ZFP42: variants seen among roughly 807,000 people sequenced by gnomAD.
The protein encoded by ZFP42 is ZFP42 zinc finger protein.
For missense variants in ZFP42, 438 were observed against 377.1 expected (o/e 1.16, Z -1.34); for synonymous variants, 175 against 144.6 (o/e 1.21, Z -1.51).
intron 1 of ZFP42, among the ~76,000 whole-genome samples, chr4:187,997,007 G>A (rs72642036): frequency 0.14 from 2,457 of 18,012 alleles, 41 homozygotes; most frequent in African/African-American, 0.36. Flanking sequence ...AGCATGGAGC[G>A]TGGAGCGTGG....
At chr4:187,997,007 GTGGAGCGTGGAGCATGGAGCA>G (rs1245628148) in intron 1 of ZFP42, among the ~76,000 whole-genome samples, 37 of 18,034 alleles carry the variant, frequency 2.1e-3, no homozygotes, top group South Asian at 5.7e-3. Context: ...AGCATGGAGC[GTGGAGCGTGGAGCATGGAGCA>G]TGGAGCGTGG....
Position 188,003,534 on chromosome 4 carries a change from A to T in ZFP42, c.727A>T (p.Lys243Ter). Residue 243 changes from lysine to a stop codon, truncating the protein, a stop_gained, in exon 4 of 4, where the codon AAG (lysine) becomes TAG (stop). Coordinates refer to ENST00000326866, the MANE Select transcript of ZFP42 (RefSeq NM_174900.5). LOFTEE classifies it low-confidence loss of function (END_TRUNC). ...ACATTTCCTGGTTCATACTGGAGAG[A>T]AGCCGTTTCGGTGCACTTTTGAAGG... Reference protein sequence around the residue: ...KRHFLVHTGEKPFRCTFEGCG... With the variant: ...KRHFLVHTGE The T allele has an allele frequency of 6.2e-7, 1 of 1,613,742 alleles. No individual in the cohort carries two copies.
intron 3 of ZFP42, among the ~76,000 whole-genome samples, chr4:188,000,448 G>T (rs1270733198): frequency 4.0e-5 from 6 of 151,644 alleles, no homozygotes; most frequent in Admixed American, 3.9e-4. Flanking sequence ...GGAGTGCAGT[G>T]GCACAATCTT....
At chr4:187,998,398 T>G (rs1308886252) in intron 1 of ZFP42, among the ~76,000 whole-genome samples, 2 of 152,188 alleles carry the variant, frequency 1.3e-5, no homozygotes, top group Non-Finnish European at 2.9e-5. Flanking sequence ...GTTAATTTAT[T>G]ATTCAGGAAA....
rs772807479 is a variant in ZFP42 at position 187,999,229 on chromosome 4, C to CA, written c.-216dup. 2.6e-5 allele frequency: 4 copies of CA among 152,226 alleles called. No homozygotes were observed. Among genetic ancestry groups the CA allele is most frequent in the South Asian group, 4.1e-4 (2 of 4,824 alleles). 9.4% of individuals were successfully genotyped at this position (152,226 alleles called of 1,614,324 possible). On this transcript the variant is annotated 5_prime_UTR_variant, in exon 2 of 4. Coordinates refer to ENST00000326866, the MANE Select transcript of ZFP42 (RefSeq NM_174900.5). The stretch of plus-strand genomic sequence containing the variant: ...GCACACTAGGCAAACCCACCCCACT[C>CA]ACGGCCTCCCTTGGGAATTCAGACC...
intron 1 of ZFP42, among the ~76,000 whole-genome samples, chr4:187,998,434 A>T (rs953750470): frequency 6.6e-6 from 1 of 152,188 alleles, no homozygotes; most frequent in Non-Finnish European, 1.5e-5. Flanking sequence ...AAGTTCTAAA[A>T]TTTGCCTAAG....
chr4:188,002,158 C>G (rs1733849837), intron 3 of ZFP42, among the ~76,000 whole-genome samples: 1 of 152,136 alleles, frequency 6.6e-6, no homozygotes, highest in African/African-American at 2.4e-5. Context: ...GCCTGGGCGA[C>G]AGAGTGAGAC....
At chr4:187,997,803 T>A (rs1284592436) in intron 1 of ZFP42, among the ~76,000 whole-genome samples, 1 of 152,152 alleles carries the variant, frequency 6.6e-6, no homozygotes, top group Non-Finnish European at 1.5e-5. Flanking sequence ...CATAAGATTA[T>A]AAAAGAGCTG....
chr4:188,001,906 T>C (rs1162973725), intron 3 of ZFP42, among the ~76,000 whole-genome samples: 1 of 152,198 alleles, frequency 6.6e-6, no homozygotes, highest in African/African-American at 2.4e-5. Flanking sequence ...GGGCCAGGCA[T>C]GGTGGCTCAC....
intron 3 of ZFP42, among the ~76,000 whole-genome samples, chr4:188,001,042 CAT>C (rs1253626667): frequency 1.3e-5 from 2 of 152,108 alleles, no homozygotes; most frequent in African/African-American, 4.8e-5. Context: ...TAGCATATAA[CAT>C]ATATGTATTA....
intron 3 of ZFP42, 123 bp from the exon 4 acceptor site, chr4:188,002,590 G>T (rs531654602): frequency 5.3e-5 from 30 of 562,882 alleles, no homozygotes; most frequent in African/African-American, 4.5e-4. Flanking sequence ...GCTCATTCTT[G>T]GTCTCTTGGT....
Position 188,003,603 on chromosome 4 carries a change from G to C in ZFP42, c.796G>C (p.Val266Leu). The C allele has an allele frequency of 1.2e-6, 2 of 1,613,416 alleles. No individual in the cohort carries two copies. Among genetic ancestry groups the C allele is most frequent in the Non-Finnish European group, 1.7e-6 (2 of 1,180,016 alleles). ...TCTGGACTTTAATTTGCGTACGCAC[G>C]TGCGCATCCACACGGGGGAGAAACG... ...FSLDFNLRTH[V>L]RIHTGEKRFV... Residue 266 changes from valine to leucine, a missense_variant, in exon 4 of 4, where the codon GTG becomes CTG. Val to Leu is a conservative substitution (Grantham distance 32). Transcript: ENST00000326866.
At chr4:187,998,158 G>GA (rs1363702787) in intron 1 of ZFP42, among the ~76,000 whole-genome samples, 11 of 152,118 alleles carry the variant, frequency 7.2e-5, no homozygotes, top group Non-Finnish European at 1.6e-4. Context: ...CCAACGTGGA[G>GA]AAACCTCATT....
intron 1 of ZFP42, among the ~76,000 whole-genome samples, chr4:187,996,132 C>G (rs189609695): frequency 6.6e-6 from 1 of 151,580 alleles, no homozygotes; most frequent in African/African-American, 2.4e-5. Context: ...TATTTTATTT[C>G]AAAACTTCAT....
Position 188,003,217 on chromosome 4 carries a change from G to A in ZFP42, c.410G>A (p.Gly137Glu), listed in dbSNP as rs1196784795. The part of the protein sequence containing the change: ...VKKELPQKIV[G>E]ENSLEYSEYM... ...AAAGAGCTTCCACAAAAGATAGTTG[G>A]AGAGAATTCGCTTGAGTATTCTGAG... The change falls in exon 4 of 4, where the codon GGA becomes GAA. Residue 137 changes from glycine to glutamate, a missense_variant. Physicochemically the swap from Gly to Glu is moderately conservative, Grantham distance 98. Transcript: ENST00000326866. 6.2e-7 allele frequency: 1 copy of A among 1,613,966 alleles called. No individual in the cohort carries two copies. The highest frequency in any genetic ancestry group is 1.7e-5 in the Admixed American group (1 of 59,972).
chr4:188,003,582 G>T lies in ZFP42; in HGVS notation c.775G>T (p.Asp259Tyr). The change falls in exon 4 of 4, where the codon GAC becomes TAC. Residue 259 changes from aspartate to tyrosine, a missense_variant. By Grantham distance (160) the Asp-to-Tyr change is radical. Transcript: ENST00000326866. ...FEGCGKRFSL[D>Y]FNLRTHVRIH... ...AGGGTGCGGAAAGCGCTTCTCTCTG[G>T]ACTTTAATTTGCGTACGCACGTGCG... The T allele has an allele frequency of 6.2e-7, 1 of 1,613,508 alleles. No homozygotes were observed. The highest frequency in any genetic ancestry group is 1.1e-5 in the South Asian group (1 of 91,080).
Position 188,002,876 on chromosome 4 carries a change from TGGGGCTAAGCCCAGG to T in ZFP42, c.70_84del (p.Gly24_Arg28del), listed in dbSNP as rs1380624205. On this transcript the variant is annotated inframe_deletion, in exon 4 of 4. Coordinates refer to ENST00000326866, the MANE Select transcript of ZFP42 (RefSeq NM_174900.5). ...AAGGCCTGGGTGGAAGAGCCCCCAG[TGGGGCTAAGCCCAGG>T]CAAGGCAAGTCAAGCCAAGACCTGC... The T allele has an allele frequency of 6.2e-7, 1 of 1,614,116 alleles. No individual in the cohort carries two copies. The highest frequency in any genetic ancestry group is 1.7e-5 in the Admixed American group (1 of 60,020).
chr4:187,996,562 A>C (rs1402915373), intron 1 of ZFP42, among the ~76,000 whole-genome samples: 2 of 151,964 alleles, frequency 1.3e-5, no homozygotes, highest in African/African-American at 4.8e-5. Context: ...CGCCCGCCTC[A>C]GCCTCCCAAA....
At chr4:187,996,670 G>C (rs534045107) in intron 1 of ZFP42, among the ~76,000 whole-genome samples, 51 of 152,198 alleles carry the variant, frequency 3.4e-4, no homozygotes, top group African/African-American at 8.9e-4. Context: ...GCGAGCTGCA[G>C]GGCGAGGGGG....
Sources: allele counts gnomAD v4.1 joint callset (sites outside exome capture counted in the v4.1 genomes callset), GRCh38; gene constraint gnomAD v4.1.1; transcripts MANE v1.5; gene names NCBI Gene and HGNC (gene_info 2026-07-23, HGNC 2026-07-21).